The following DST variants were observed in gnomAD, a reference collection of about 807,000 sequenced individuals.
DST encodes dystonin, also known as bullous pemphigoid antigen.
DST carries 253 observed loss-of-function variants against 875.2 expected under a neutral mutation model. The observed-to-expected ratio is 0.29, with a 90% CI of 0.26 to 0.32. The LOEUF is 0.32. Among genes scored for constraint, DST ranks in the 10% least tolerant of loss-of-function variants. The probability of loss-of-function intolerance (pLI) is 1.00; values close to 1 mark genes in which losing one functional copy is unlikely to be tolerated. For synonymous variants in DST, 3,124 were observed against 3,197.1 expected (o/e 0.98, Z 0.77); for missense variants, 8,287 against 9,111.6 (o/e 0.91, Z 3.68).
intron 5 of DST, among the ~76,000 whole-genome samples, chr6:56,707,340 T>C (rs2099345128): frequency 1.3e-5 from 2 of 152,242 alleles, no homozygotes; most frequent in Non-Finnish European, 2.9e-5. Context: ...CTTCTCTGCG[T>C]ATCTTCAATA....
intron 37 of DST, among the ~76,000 whole-genome samples, chr6:56,612,176 G>A (rs2098551061): frequency 6.6e-6 from 1 of 152,192 alleles, no homozygotes; most frequent in African/African-American, 2.4e-5. Flanking sequence ...TTTGAGACCA[G>A]CCTGAGCAAC....
intron 3 of DST, among the ~76,000 whole-genome samples, chr6:56,860,373 A>G (rs2127591697): frequency 6.6e-6 from 1 of 152,248 alleles, no homozygotes; most frequent in Non-Finnish European, 1.5e-5. Context: ...GGGATAAAAC[A>G]AAACAGAAAG....
chr6:56,574,326 G>A (rs538549023), intron 50 of DST, among the ~76,000 whole-genome samples: 2 of 152,104 alleles, frequency 1.3e-5, no homozygotes, highest in East Asian at 3.8e-4. Context: ...ACAATACACA[G>A]TTACAAAGAT....
chr6:56,879,186 C>T (rs554140320), intron 3 of DST, among the ~76,000 whole-genome samples: 72 of 152,082 alleles, frequency 4.7e-4, no homozygotes, highest in Non-Finnish European at 8.8e-4. Context: ...TTAATAGTTC[C>T]GGCCAGGCGC....
intron 46 of DST, 134 bp downstream of exon 46, chr6:56,598,342 T>A: frequency 1.7e-6 from 1 of 583,168 alleles, no homozygotes; most frequent in East Asian, 3.1e-5. Context: ...GTCAATTATG[T>A]ACCTGGAAAC....
chr6:56,867,654 T>C (rs1774863058), intron 3 of DST, among the ~76,000 whole-genome samples: 1 of 152,146 alleles, frequency 6.6e-6, no homozygotes, highest in East Asian at 1.9e-4. Flanking sequence ...ACCCCGTCTC[T>C]ACTAAAAATA....
At chr6:56,640,642 A>G (rs2098886731) in intron 17 of DST, 37 bp from the exon 18 acceptor site, 2 of 1,488,460 alleles carry the variant, frequency 1.3e-6, no homozygotes, top group Non-Finnish European at 1.9e-6. Flanking sequence ...GTGAAATATA[A>G]AGGCACTTGT....
intron 2 of DST, among the ~76,000 whole-genome samples, chr6:56,936,356 A>G (rs1378835596): frequency 6.6e-6 from 1 of 152,224 alleles, no homozygotes; most frequent in Non-Finnish European, 1.5e-5. Flanking sequence ...AAAGGCCAAA[A>G]TTCAAAGTAT....
At position 56,563,413 on chromosome 6, in the gene DST, C is replaced by T. The variant is rs575315001; in HGVS notation, c.14006-1213G>A. On this transcript the variant is annotated intron_variant, in intron 55 of 103. Transcript: ENST00000680361. ...TTGAGAAGTGTCTGTTCATATCCTT[C>T]GCCCACTTTTTGATGGGGTTGTTTT... 3.5e-3 allele frequency among the ~76,000 whole-genome samples: 525 copies of T among 152,170 alleles called. 3 individuals carry two copies. Among genetic ancestry groups the T allele is most frequent in the Middle Eastern group, 0.017 (5 of 294 alleles).
intron 61 of DST, among the ~76,000 whole-genome samples, chr6:56,548,351 C>T (rs1354872936): frequency 1.3e-5 from 2 of 152,164 alleles, no homozygotes; most frequent in Non-Finnish European, 2.9e-5. Context: ...AGCTAGGACT[C>T]ATTAAAGCAT....
At chr6:56,792,398 G>T (rs1217439235) in intron 4 of DST, among the ~76,000 whole-genome samples, 1 of 152,060 alleles carries the variant, frequency 6.6e-6, no homozygotes, top group Non-Finnish European at 1.5e-5. Flanking sequence ...TTAATTACAG[G>T]AGAGAAAAAG....
intron 55 of DST, among the ~76,000 whole-genome samples, chr6:56,565,626 G>A (rs2097661103): frequency 6.6e-6 from 1 of 152,210 alleles, no homozygotes; most frequent in Non-Finnish European, 1.5e-5. Context: ...TGTATGAGAT[G>A]TCTGTCGACC....
At chr6:56,913,086 C>A (rs1562380577) in intron 2 of DST, among the ~76,000 whole-genome samples, 1 of 152,170 alleles carries the variant, frequency 6.6e-6, no homozygotes, top group Non-Finnish European at 1.5e-5. Flanking sequence ...TCCATTGACA[C>A]ATCTTATTAC....
intron 10 of DST, among the ~76,000 whole-genome samples, chr6:56,656,588 C>T (rs964756709): frequency 8.5e-5 from 13 of 152,142 alleles, no homozygotes; most frequent in African/African-American, 3.1e-4. Flanking sequence ...TGGAAAAACA[C>T]CAAAGCATAA....
intron 4 of DST, among the ~76,000 whole-genome samples, chr6:56,848,699 T>C (rs938744363): frequency 6.6e-6 from 1 of 152,226 alleles, no homozygotes; most frequent in Non-Finnish European, 1.5e-5. Flanking sequence ...TTATTGTTTA[T>C]GATTTGCCTA....
chr6:56,850,382 A>C (rs2127575585), intron 4 of DST, among the ~76,000 whole-genome samples: 1 of 146,394 alleles, frequency 6.8e-6, no homozygotes, highest in African/African-American at 2.6e-5. Context: ...AAGAGAAAGT[A>C]CCAACTTTGC....
intron 4 of DST, among the ~76,000 whole-genome samples, chr6:56,751,470 CA>C (rs1454636865): frequency 2.0e-5 from 3 of 151,996 alleles, no homozygotes; most frequent in African/African-American, 7.2e-5. Context: ...TTTTTTACAG[CA>C]GGCATTCTTG....
rs1443282111 is a variant in DST, at chr6:56,608,002, C to T, written c.6626G>A (p.Ser2209Asn). 4 of 1,613,130 alleles carry T rather than the reference C, an allele frequency of 2.5e-6. No individual in the cohort carries two copies. Among genetic ancestry groups the T allele is most frequent in the Non-Finnish European group, 2.5e-6 (3 of 1,179,560 alleles). The change falls in exon 40 of 104, where the codon AGC becomes AAC. Residue 2209 changes from serine to asparagine, a missense_variant. Ser to Asn is a conservative substitution (Grantham distance 46, BLOSUM62 1). Coordinates refer to ENST00000680361, the MANE Select transcript of DST (RefSeq NM_001374736.1). ...TTGCCCTGTGTTTGCATCCATATAG[C>T]TATTTATCATTAAATAAGATAGAAA... The part of the protein sequence containing the change: ...KLFLSYLMIN[S>N]YMDANTGQRL...
chr6:56,722,028 A>G (rs190831327), intron 5 of DST, among the ~76,000 whole-genome samples: 52 of 152,346 alleles, frequency 3.4e-4, no homozygotes, highest in African/African-American at 1.2e-3. Flanking sequence ...TAGATTTCAT[A>G]TAATTTTCAT....
Sources: gnomAD v4.1 joint callset for allele counts (sites outside exome capture counted in the v4.1 genomes callset) on GRCh38, gnomAD v4.1.1 for gene constraint, MANE v1.5 for transcripts, NCBI Gene and HGNC (gene_info 2026-07-23, HGNC 2026-07-21) for gene names.